CFAP210: variants seen among roughly 807,000 people sequenced by gnomAD.
The protein encoded by CFAP210 is cilia and flagella associated protein 210, also known as cilia- and flagella- associated protein 210.
chr2:169,653,029 A>AATATATATATATATAT, the CFAP210 span, among the ~76,000 whole-genome samples: 2 of 39,964 alleles, frequency 5.0e-5, no homozygotes, highest in African/African-American at 1.2e-4. Flanking sequence ...AAAAAAAAAA[A>AATATATATATATATAT]ATATATATAT....
chr2:169,667,648 A>T, the CFAP210 span, among the ~76,000 whole-genome samples: 5 of 152,102 alleles, frequency 3.3e-5, no homozygotes, highest in Non-Finnish European at 5.9e-5. Context: ...AAACAACATT[A>T]ATCTCTTGTA....
chr2:169,679,129 A>G, the CFAP210 span, among the ~76,000 whole-genome samples: 1 of 152,226 alleles, frequency 6.6e-6, no homozygotes, highest in Admixed American at 6.5e-5. Flanking sequence ...ATTGATCTTC[A>G]TACACAAAAA....
At chr2:169,666,974 ACTT>A in the CFAP210 span, among the ~76,000 whole-genome samples, 2 of 152,012 alleles carry the variant, frequency 1.3e-5, no homozygotes, top group East Asian at 3.9e-4. Flanking sequence ...TTCAGGCTCC[ACTT>A]CTAATTCTAG....
At chr2:169,660,265 C>T in the CFAP210 span, among the ~76,000 whole-genome samples, 1 of 151,692 alleles carries the variant, frequency 6.6e-6, no homozygotes, top group African/African-American at 2.4e-5. Flanking sequence ...TGGTGCGTGC[C>T]TGTAATCCTA....
At chr2:169,652,231 C>T in the CFAP210 span, among the ~76,000 whole-genome samples, 1 of 151,906 alleles carries the variant, frequency 6.6e-6, no homozygotes, top group Non-Finnish European at 1.5e-5. Context: ...GACATTTATG[C>T]AAATGTCTTT....
the CFAP210 span, among the ~76,000 whole-genome samples, chr2:169,656,167 G>A: frequency 2.0e-5 from 3 of 152,126 alleles, no homozygotes; most frequent in East Asian, 5.8e-4. Context: ...GCACATGCCT[G>A]TAGTCCCAGC....
chr2:169,658,049 AG>A, the CFAP210 span: 3 of 152,200 alleles, frequency 2.0e-5, no homozygotes, highest in Admixed American at 6.5e-5. Context: ...AGCTATTCAA[AG>A]GTGTATTATA....
chr2:169,684,902 T>G, the CFAP210 span, among the ~76,000 whole-genome samples: 1 of 152,188 alleles, frequency 6.6e-6, no homozygotes, highest in African/African-American at 2.4e-5. Flanking sequence ...GTGATCCACC[T>G]GCCTTGGCCT....
the CFAP210 span, among the ~76,000 whole-genome samples, chr2:169,693,878 T>C: frequency 6.6e-6 from 1 of 152,114 alleles, no homozygotes; most frequent in African/African-American, 2.4e-5. Context: ...TTCCAAGAGA[T>C]ATTCCAATTC....
At chr2:169,647,126 T>G in the CFAP210 span, among the ~76,000 whole-genome samples, 2 of 152,078 alleles carry the variant, frequency 1.3e-5, no homozygotes, top group Non-Finnish European at 2.9e-5. Context: ...ATACTATTTG[T>G]GAAATTGGGG....
the CFAP210 span, among the ~76,000 whole-genome samples, chr2:169,678,578 A>T: frequency 2.6e-5 from 4 of 152,244 alleles, no homozygotes; most frequent in East Asian, 5.8e-4. Context: ...TAATCCCGGC[A>T]CTTTGGGAGG....
At chr2:169,668,982 A>G in the CFAP210 span, among the ~76,000 whole-genome samples, 3 of 152,234 alleles carry the variant, frequency 2.0e-5, no homozygotes, top group Non-Finnish European at 4.4e-5. Context: ...CAATATCTGC[A>G]AAGTACAATA....
chr2:169,649,444 C>G, the CFAP210 span: 3 of 1,084,482 alleles, frequency 2.8e-6, no homozygotes, highest in Non-Finnish European at 4.0e-6. Flanking sequence ...AGAGGAGAGT[C>G]AGCCAGGAGC....
the CFAP210 span, among the ~76,000 whole-genome samples, chr2:169,663,809 C>A: frequency 3.5e-4 from 51 of 147,790 alleles, 1 homozygote; most frequent in East Asian, 7.0e-3. Context: ...AAAAAAAAAA[C>A]CAAGCTTCCA....
the CFAP210 span, among the ~76,000 whole-genome samples, chr2:169,649,636 T>C: frequency 6.6e-6 from 1 of 152,118 alleles, no homozygotes; most frequent in Non-Finnish European, 1.5e-5. Context: ...AGTAAAAAAT[T>C]AATTGCTCCA....
the CFAP210 span, chr2:169,654,152 ATCT>A: frequency 1.2e-6 from 2 of 1,600,348 alleles, no homozygotes; most frequent in Admixed American, 3.4e-5. Flanking sequence ...TCATCTTTTC[ATCT>A]TCTTCCTCTT....
the CFAP210 span, chr2:169,662,537 A>C: frequency 2.9e-6 from 3 of 1,023,974 alleles, no homozygotes; most frequent in Non-Finnish European, 4.1e-6. Flanking sequence ...TGAAGCTGCA[A>C]GGAAAAATCT....
At chr2:169,684,446 T>C in the CFAP210 span, among the ~76,000 whole-genome samples, 1 of 152,210 alleles carries the variant, frequency 6.6e-6, no homozygotes, top group Non-Finnish European at 1.5e-5. Flanking sequence ...AAGGAAACTC[T>C]GTATGCATTA....
the CFAP210 span, chr2:169,658,709 C>A: frequency 2.0e-5 from 6 of 304,264 alleles, no homozygotes; most frequent in South Asian, 3.3e-5. Flanking sequence ...GGTGCTTATT[C>A]CCGAACTGTT....
Sources: gnomAD v4.1 joint callset for allele counts (sites outside exome capture counted in the v4.1 genomes callset) on GRCh38, gnomAD v4.1.1 for gene constraint, MANE v1.5 for transcripts, NCBI Gene and HGNC (gene_info 2026-07-23, HGNC 2026-07-21) for gene names.